Variants in EXOC4 observed in about 807,000 individuals in gnomAD.
EXOC4 encodes the protein exocyst complex component 4, also known as SEC8-like 1.
EXOC4 carries 71 observed loss-of-function variants against 107.2 expected under a neutral mutation model. The observed-to-expected ratio is 0.66, with a 90% CI of 0.55 to 0.81. The LOEUF (loss-of-function observed/expected upper bound fraction) is 0.81, where lower values mean the gene tolerates loss of function less well. Ranked by LOEUF, EXOC4 falls within the 30% of genes least tolerant of loss-of-function variation. The pLI, the probability that EXOC4 is intolerant of heterozygous loss-of-function variation, is 0.00. For synonymous variants in EXOC4, 456 were observed against 441.2 expected, an observed-to-expected ratio of 1.03 and a Z score of -0.42; for missense variants, 1,108 against 1,189.6, an observed-to-expected ratio of 0.93 and a Z score of 1.01.
intron 8 of EXOC4, chr7:133,478,871 G>A (rs1391416908): frequency 6.6e-6 from 1 of 152,140 alleles, no homozygotes; most frequent in Non-Finnish European, 1.5e-5. Flanking sequence ...CATGTTTGAA[G>A]TACTGCACAC....
At chr7:133,356,763 T>G (rs972990329) in intron 6 of EXOC4, among the ~76,000 whole-genome samples, 190 bp downstream of exon 6, 2 of 152,116 alleles carry the variant, frequency 1.3e-5, no homozygotes, top group African/African-American at 4.8e-5. Context: ...GGCAGATCAC[T>G]TGAGGTCAGA....
At chr7:133,510,644 G>A (rs748505863) in intron 9 of EXOC4, among the ~76,000 whole-genome samples, 20 of 152,114 alleles carry the variant, frequency 1.3e-4, no homozygotes, top group Non-Finnish European at 2.8e-4. Flanking sequence ...GGAAACATAC[G>A]AGCAATAGAA....
chr7:133,656,241 A>G (rs984424559), intron 10 of EXOC4, among the ~76,000 whole-genome samples: 13 of 152,210 alleles, frequency 8.5e-5, no homozygotes, highest in Non-Finnish European at 1.5e-4. Context: ...TTAGTGGCAA[A>G]GATATCAGTT....
At position 133,394,652 on chromosome 7, in the gene EXOC4, A is replaced by G. The variant is rs536277256; in HGVS notation, c.1182+19650A>G. On this transcript the variant is annotated intron_variant, in intron 7 of 17. Transcript: ENST00000253861. ...AACTCCTGACCTACTATACAGAACC[A>G]TGCTAACATCATTGATGATTCTTTT... 2.0e-5 allele frequency among the ~76,000 whole-genome samples: 3 copies of G among 152,342 alleles called. No individual in the cohort carries two copies. In the South Asian group the frequency reaches 6.2e-4, roughly 32 times the overall value.
intron 11 of EXOC4, among the ~76,000 whole-genome samples, chr7:133,882,904 CT>C (rs1320770370): frequency 6.6e-6 from 1 of 152,250 alleles, no homozygotes; most frequent in African/African-American, 2.4e-5. Flanking sequence ...ACGGACATAA[CT>C]TTAAATTTTT....
At chr7:133,633,534 C>T (rs1477529678) in intron 10 of EXOC4, among the ~76,000 whole-genome samples, 1 of 152,102 alleles carries the variant, frequency 6.6e-6, no homozygotes, top group Non-Finnish European at 1.5e-5. Flanking sequence ...GCCTGGCCGA[C>T]ATGGTGAAAC....
chr7:133,545,102 T>C (rs1227316767), intron 9 of EXOC4, among the ~76,000 whole-genome samples: 1 of 152,148 alleles, frequency 6.6e-6, no homozygotes, highest in East Asian at 1.9e-4. Flanking sequence ...ATGTGGTCGC[T>C]ATTTCTCTGC....
rs1341358051 is a variant in EXOC4 at position 133,903,677 on chromosome 7, CAA to C, written c.1871+7943_1871+7944del. 2.6e-5 allele frequency among the ~76,000 whole-genome samples: 4 copies of C among 152,222 alleles called. No homozygotes were observed. The East Asian group carries it at 7.7e-4, about 29-fold the overall frequency. On this transcript the variant is annotated intron_variant, in intron 12 of 17. Transcript: ENST00000253861. The stretch of plus-strand genomic sequence containing the variant: ...AGGGAGTTGGACATATGCATCAAAA[CAA>C]GAGAGGTCTGGCCTGGAGATAGATA...
intron 10 of EXOC4, among the ~76,000 whole-genome samples, chr7:133,745,293 T>C (rs1273029573): frequency 1.3e-5 from 2 of 152,164 alleles, no homozygotes; most frequent in African/African-American, 4.8e-5. Context: ...TAATAAGAGC[T>C]TACACTCGAG....
At chr7:134,069,975 ATCAGAAGAC>A (rs1333644544), downstream of EXOC4, among the ~76,000 whole-genome samples, 24 of 152,370 alleles carry the variant, frequency 1.6e-4, no homozygotes, top group Admixed American at 1.2e-3. Context: ...GGCAGATGTG[ATCAGAAGAC>A]CAGCCAAGGG....
chr7:133,368,481 G>T (rs1796294121), intron 6 of EXOC4, among the ~76,000 whole-genome samples: 1 of 152,096 alleles, frequency 6.6e-6, no homozygotes, highest in Non-Finnish European at 1.5e-5. Context: ...CCTCTAGATG[G>T]TAAATGTTAA....
intron 7 of EXOC4, among the ~76,000 whole-genome samples, chr7:133,437,220 T>C (rs1797996156): frequency 6.6e-6 from 1 of 152,320 alleles, no homozygotes; most frequent in Admixed American, 6.5e-5. Context: ...ATTTACTATA[T>C]TTGTGTTACT....
intron 7 of EXOC4, among the ~76,000 whole-genome samples, chr7:133,441,533 G>C (rs1006339842): frequency 6.6e-5 from 10 of 152,144 alleles, no homozygotes; most frequent in Non-Finnish European, 1.0e-4. Flanking sequence ...TGGGATTACA[G>C]ATGTGTGCCA....
At chr7:133,505,665 T>C (rs1046747581) in intron 9 of EXOC4, among the ~76,000 whole-genome samples, 7 of 152,184 alleles carry the variant, frequency 4.6e-5, no homozygotes, top group Non-Finnish European at 1.0e-4. Flanking sequence ...CTTCTAAGAA[T>C]TTACTACTAT....
At chr7:134,066,571 C>T (rs1267545168), downstream of EXOC4, 1 of 152,122 alleles carries the variant, frequency 6.6e-6, no homozygotes, top group Non-Finnish European at 1.5e-5. Context: ...TGAAGGTTGG[C>T]ACATCAGTCT....
chr7:133,814,830 A>C (rs1472557759), intron 10 of EXOC4, among the ~76,000 whole-genome samples: 1 of 152,028 alleles, frequency 6.6e-6, no homozygotes, highest in Admixed American at 6.5e-5. Flanking sequence ...TAGTCTTTTC[A>C]TGTGTTTTGA....
chr7:133,913,809 G>C (rs1358448235), intron 12 of EXOC4, among the ~76,000 whole-genome samples: 1 of 152,198 alleles, frequency 6.6e-6, no homozygotes, highest in African/African-American at 2.4e-5. Context: ...TCAGAATATA[G>C]ATGGTTCAAG....
At chr7:133,502,150 G>T (rs1190725685) in intron 9 of EXOC4, among the ~76,000 whole-genome samples, 1 of 151,982 alleles carries the variant, frequency 6.6e-6, no homozygotes, top group Admixed American at 6.6e-5. Context: ...GGGAGTGGGG[G>T]AGTGTGAAAT....
chr7:134,014,140 A>G (rs1794838826), intron 17 of EXOC4, among the ~76,000 whole-genome samples: 1 of 152,240 alleles, frequency 6.6e-6, no homozygotes, highest in African/African-American at 2.4e-5. Context: ...GCGGTGGCTC[A>G]CGCCTGTAAT....
Sources: allele counts gnomAD v4.1 joint callset (sites outside exome capture counted in the v4.1 genomes callset), GRCh38; gene constraint gnomAD v4.1.1; transcripts MANE v1.5; gene names NCBI Gene and HGNC (gene_info 2026-07-23, HGNC 2026-07-21).